The following CRB1 variants were observed in gnomAD, a reference collection of about 807,000 sequenced individuals.
CRB1 encodes the protein crumbs cell polarity complex component 1, also known as protein crumbs homolog 1.
In CRB1, 83 loss-of-function variants were observed where a neutral mutation model predicts 120.0. The ratio of observed to expected loss-of-function variants is 0.69; its 90% CI spans 0.58 to 0.83. The LOEUF is 0.83. Among genes scored for constraint, CRB1 ranks in the 40% least tolerant of loss-of-function variants. The pLI is 0.00. For synonymous variants in CRB1, 625 were observed against 612.5 expected, an observed-to-expected ratio of 1.02 and a Z score of -0.30; for missense variants, 1,699 against 1,687.6, an observed-to-expected ratio of 1.01 and a Z score of -0.12.
chr1:197,304,362 CA>C, intron 1 of CRB1: 1 of 973,314 alleles, frequency 1.0e-6, no homozygotes, highest in Non-Finnish European at 1.2e-6. Flanking sequence ...AATGTTTTTC[CA>C]CATCTAGGGA....
intron 4 of CRB1, among the ~76,000 whole-genome samples, chr1:197,350,535 T>G (rs777530865): frequency 2.6e-5 from 4 of 152,148 alleles, no homozygotes; most frequent in African/African-American, 4.8e-5. Context: ...ATTCAAGCAT[T>G]TAAGCCACAT....
In CRB1 at chr1:197,313,839, G is replaced by T. The variant is rs141207201; in HGVS notation, c.71-14583G>T. ...ATCCATTCATCTGTTGATGGACACAGGTTGATTCCATATCTCGCCTATTGT... is the reference window on the plus strand; with the variant it reads ...ATCCATTCATCTGTTGATGGACACATGTTGATTCCATATCTCGCCTATTGT... On this transcript the variant is annotated intron_variant, in intron 1 of 11. Coordinates refer to ENST00000367400, the MANE Select transcript of CRB1 (RefSeq NM_201253.3). Among the ~76,000 whole-genome samples the T allele has an allele frequency of 1.4e-3, 206 of 152,268 alleles. 3 individuals carry two copies. The East Asian group carries it at 0.03, about 22-fold the overall frequency.
chr1:197,425,095 C>A (rs965604380), intron 6 of CRB1, among the ~76,000 whole-genome samples: 3 of 152,202 alleles, frequency 2.0e-5, no homozygotes, highest in Non-Finnish European at 4.4e-5. Context: ...CCAGCAGGCA[C>A]CCCGCTACCC....
the CRB1 span, among the ~76,000 whole-genome samples, chr1:197,241,834 G>GTTTTCCAT: frequency 6.6e-6 from 1 of 151,876 alleles, no homozygotes; most frequent in Non-Finnish European, 1.5e-5. Context: ...AGCATGGAAT[G>GTTTTCCAT]TTTTCCATTT....
At chr1:197,287,376 AT>A (rs1158672423) in intron 1 of CRB1, among the ~76,000 whole-genome samples, 1 of 151,904 alleles carries the variant, frequency 6.6e-6, no homozygotes, top group Non-Finnish European at 1.5e-5. Flanking sequence ...GCTCTTCAGA[AT>A]GTTTCAATTA....
At chr1:197,260,692 C>G in the CRB1 span, among the ~76,000 whole-genome samples, 1 of 151,526 alleles carries the variant, frequency 6.6e-6, no homozygotes, top group East Asian at 1.9e-4. Flanking sequence ...AATGCTACAA[C>G]TAACTAATTT....
chr1:197,201,572 C>A, the CRB1 span, among the ~76,000 whole-genome samples: 1 of 152,222 alleles, frequency 6.6e-6, no homozygotes, highest in Non-Finnish European at 1.5e-5. Context: ...GCTCGGTGGC[C>A]TACCCCGATC....
chr1:197,357,083 T>A lies in CRB1; in HGVS notation c.1171+70T>A, dbSNP rs762597649. 3.4e-6 allele frequency: 5 copies of A among 1,480,310 alleles called. No individual in the cohort carries two copies. In the East Asian group the frequency reaches 1.1e-4, roughly 33 times the overall value. The allele number at this position is 1,480,310 out of a possible 1,614,324, so 91.7% of individuals were successfully genotyped here. A position where few individuals can be genotyped will look rare whatever the true frequency, so the allele number is the denominator to read the frequency against. ...ATGGCAGACCATGGCTTTAACCAAA[T>A]GGTGTATTAGCAGGAAGAGCTGTAC... On this transcript the variant is annotated intron_variant, in intron 5 of 11. Transcript: ENST00000367400.
chr1:197,222,766 A>G, the CRB1 span: 1 of 1,100,480 alleles, frequency 9.1e-7, no homozygotes, highest in South Asian at 1.2e-5. Flanking sequence ...TTTCTTTCTG[A>G]ACTCCAAGTG....
intron 2 of CRB1, among the ~76,000 whole-genome samples, chr1:197,338,651 AT>A (rs1207038689): frequency 6.6e-6 from 1 of 152,236 alleles, no homozygotes; most frequent in African/African-American, 2.4e-5. Flanking sequence ...CCTGAAAAAA[AT>A]GTTTAATATG....
chr1:197,462,215 A>G (rs570445806), intron 11 of CRB1, among the ~76,000 whole-genome samples: 1 of 152,318 alleles, frequency 6.6e-6, no homozygotes, highest in African/African-American at 2.4e-5. Flanking sequence ...GAAAAAACTT[A>G]GGAGCATTTT....
chr1:197,259,727 C>A, the CRB1 span, among the ~76,000 whole-genome samples: 1 of 152,134 alleles, frequency 6.6e-6, no homozygotes, highest in South Asian at 2.1e-4. Flanking sequence ...TATAAATTAT[C>A]CCCTCATTAA....
At chr1:197,369,490 TA>T (rs1270552913) in intron 5 of CRB1, among the ~76,000 whole-genome samples, 4 of 152,116 alleles carry the variant, frequency 2.6e-5, no homozygotes. Context: ...AAGAATTACA[TA>T]TCCCTTTCTC....
At chr1:197,250,318 C>T in the CRB1 span, among the ~76,000 whole-genome samples, 4 of 151,890 alleles carry the variant, frequency 2.6e-5, no homozygotes, top group Non-Finnish European at 5.9e-5. Context: ...TCAATCAATT[C>T]GTTTCATCTC....
chr1:197,427,866 C>T lies in CRB1; in HGVS notation c.2541C>T (p.Phe847=), dbSNP rs1664675234. 3.1e-6 allele frequency: 5 copies of T among 1,614,008 alleles called. No homozygotes were observed. The highest frequency in any genetic ancestry group is 3.4e-6 in the Non-Finnish European group (4 of 1,179,978). Residue 847 remains phenylalanine, a synonymous_variant, in exon 7 of 12, where the codon TTC becomes TTT. Coordinates refer to ENST00000367400, the MANE Select transcript of CRB1 (RefSeq NM_201253.3). Reference sequence around the variant, plus strand: ...AAGAGACTGAACTTAATGGTGGATTCTTCAAAGGCTGTATCCAAGATGTAA... The same window carrying T: ...AAGAGACTGAACTTAATGGTGGATTTTTCAAAGGCTGTATCCAAGATGTAA... ...DKQETELNGG[F]FKGCIQDVRL...
intron 6 of CRB1, 145 bp downstream of exon 6, chr1:197,422,101 G>T (rs566899146): frequency 1.4e-6 from 1 of 701,170 alleles, no homozygotes; most frequent in Admixed American, 2.5e-5. Flanking sequence ...TGATGAGAAA[G>T]AAAAGAAGAG....
chr1:197,361,505 T>C (rs906382132), intron 5 of CRB1, among the ~76,000 whole-genome samples: 9 of 152,132 alleles, frequency 5.9e-5, no homozygotes, highest in African/African-American at 1.9e-4. Context: ...AAAAATTGTG[T>C]ATTTTGCTGT....
rs527686372 is a variant in CRB1, at chr1:197,322,463, AAAT to A, written c.71-5934_71-5932del. Among the ~76,000 whole-genome samples, 609 of 150,204 alleles carry A rather than the reference AAAT, an allele frequency of 4.1e-3. 4 individuals are homozygous for A. Among genetic ancestry groups the A allele is most frequent in the East Asian group, 0.021 (110 of 5,140 alleles). On this transcript the variant is annotated intron_variant, in intron 1 of 11. Coordinates refer to ENST00000367400, the MANE Select transcript of CRB1 (RefSeq NM_201253.3). ...GGGTGACAGAGTGAGACTCTGTCTCAAATAATAATAATAATAATAATAATAATT... is the reference window on the plus strand; with the variant it reads ...GGGTGACAGAGTGAGACTCTGTCTCAAATAATAATAATAATAATAATAATT...
the CRB1 span, among the ~76,000 whole-genome samples, chr1:197,229,134 C>A: frequency 6.6e-6 from 1 of 152,180 alleles, no homozygotes; most frequent in Admixed American, 6.5e-5. Flanking sequence ...ACATCCTGAT[C>A]TTGGACTTCC....
Sources: allele counts gnomAD v4.1 joint callset (sites outside exome capture counted in the v4.1 genomes callset), GRCh38; gene constraint gnomAD v4.1.1; transcripts MANE v1.5; gene names NCBI Gene and HGNC (gene_info 2026-07-23, HGNC 2026-07-21).